Variants in DSCAM observed in about 807,000 individuals in gnomAD.
DSCAM encodes the protein DS cell adhesion molecule.
A neutral mutation model predicts 217.7 loss-of-function variants in DSCAM; 47 were observed. That is an observed-to-expected ratio of 0.22 (90% CI 0.17 to 0.28). DSCAM has a LOEUF of 0.28. DSCAM is among the 10% of genes least tolerant of loss of function. The probability of loss-of-function intolerance (pLI) is 1.00; values close to 1 mark genes in which losing one functional copy is unlikely to be tolerated. For synonymous variants in DSCAM, 1,056 were observed against 1,015.3 expected (o/e 1.04, Z -0.76); for missense variants, 2,080 against 2,618.3 (o/e 0.79, Z 4.49).
chr21:40,432,136 G>A (rs1392093022), intron 3 of DSCAM, among the ~76,000 whole-genome samples: 1 of 152,144 alleles, frequency 6.6e-6, no homozygotes, highest in African/African-American at 2.4e-5. Flanking sequence ...CCAGGAGGTT[G>A]CAGTGAGCCG....
chr21:40,019,670 AGGGTCACCATATT>A (rs780086587), intron 32 of DSCAM, among the ~76,000 whole-genome samples: 9 of 152,152 alleles, frequency 5.9e-5, no homozygotes, highest in Non-Finnish European at 8.8e-5. Flanking sequence ...TTTGAACTCC[AGGGTCACCATATT>A]GGGTCACCAT....
At chr21:40,348,399 A>G (rs1015022238) in intron 5 of DSCAM, among the ~76,000 whole-genome samples, 34 of 23,148 alleles carry the variant, frequency 1.5e-3, no homozygotes, top group South Asian at 3.0e-3. Flanking sequence ...TATTGCAATC[A>G]TACCCTAGAG....
intron 3 of DSCAM, among the ~76,000 whole-genome samples, chr21:40,469,364 C>G (rs1218447825): frequency 6.6e-6 from 1 of 152,018 alleles, no homozygotes; most frequent in African/African-American, 2.4e-5. Context: ...AATAGGAAAT[C>G]CAGCATAGGG....
chr21:40,540,001 G>A (rs1375031282), intron 3 of DSCAM, among the ~76,000 whole-genome samples: 3 of 152,010 alleles, frequency 2.0e-5, no homozygotes, highest in Admixed American at 6.5e-5. Flanking sequence ...TGTTAGTGTC[G>A]ATAGCCTTTA....
chr21:40,522,952 T>G (rs757467654), intron 3 of DSCAM, among the ~76,000 whole-genome samples: 7 of 152,114 alleles, frequency 4.6e-5, no homozygotes, highest in Non-Finnish European at 1.0e-4. Flanking sequence ...AATAAATTGT[T>G]GATTTCATGT....
chr21:40,194,338 T>C (rs185958222), intron 11 of DSCAM, among the ~76,000 whole-genome samples: 2 of 152,348 alleles, frequency 1.3e-5, no homozygotes, highest in African/African-American at 4.8e-5. Flanking sequence ...TTCTTTGCAA[T>C]GCTAATGTTT....
chr21:40,090,558 ACT>A (rs1312324907), intron 21 of DSCAM, among the ~76,000 whole-genome samples: 1 of 151,028 alleles, frequency 6.6e-6, no homozygotes, highest in East Asian at 1.9e-4. Context: ...TCACCTGACC[ACT>A]CCCTCCTTTT....
intron 3 of DSCAM, among the ~76,000 whole-genome samples, chr21:40,467,858 T>A (rs2075857197): frequency 6.9e-6 from 1 of 144,454 alleles, no homozygotes; most frequent in Non-Finnish European, 1.5e-5. Context: ...AAGGGAAAAG[T>A]CAAGCTGGGA....
At chr21:40,048,278 T>G (rs117732927) in intron 30 of DSCAM, among the ~76,000 whole-genome samples, 4,457 of 152,314 alleles carry the variant, frequency 0.029, 94 homozygotes, top group South Asian at 0.055. Context: ...TCAATGTCTT[T>G]TCTTTTCCAT....
chr21:40,781,992 C>CAAAAATAAAAA (rs2091548940), intron 1 of DSCAM, among the ~76,000 whole-genome samples: 1 of 106,400 alleles, frequency 9.4e-6, no homozygotes, highest in Non-Finnish European at 1.7e-5. Flanking sequence ...ACTAAAAATA[C>CAAAAATAAAAA]AAAAAAAAAA....
intron 8 of DSCAM, 24 bp downstream of exon 8, chr21:40,338,076 TG>T: frequency 6.2e-7 from 1 of 1,609,552 alleles, no homozygotes; most frequent in South Asian, 1.1e-5. Flanking sequence ...ATGAGTTGTG[TG>T]GGAACCAGGA....
At chr21:40,475,762 C>T (rs908278935) in intron 3 of DSCAM, among the ~76,000 whole-genome samples, 4 of 151,958 alleles carry the variant, frequency 2.6e-5, no homozygotes, top group African/African-American at 7.3e-5. Context: ...ACCTGGGAGG[C>T]GGAGGTTGCA....
intron 3 of DSCAM, among the ~76,000 whole-genome samples, chr21:40,604,662 C>A (rs2089208628): frequency 6.6e-6 from 1 of 152,116 alleles, no homozygotes; most frequent in Non-Finnish European, 1.5e-5. Context: ...TTGTGTTTCC[C>A]TAGGAACTCA....
At chr21:40,779,782 G>A (rs2091523728) in intron 1 of DSCAM, among the ~76,000 whole-genome samples, 1 of 152,158 alleles carries the variant, frequency 6.6e-6, no homozygotes, top group East Asian at 1.9e-4. Flanking sequence ...AGCCTGAAGT[G>A]GAATTACCTG....
intron 3 of DSCAM, among the ~76,000 whole-genome samples, chr21:40,442,226 A>G (rs912051180): frequency 2.0e-5 from 3 of 152,166 alleles, no homozygotes; most frequent in Admixed American, 1.3e-4. Context: ...TTAAGTTTAT[A>G]TATGTAAAAT....
chr21:40,042,777 T>C (rs1169713189), intron 31 of DSCAM, 104 bp from the exon 32 acceptor site: 3 of 1,126,752 alleles, frequency 2.7e-6, no homozygotes, highest in Non-Finnish European at 3.7e-6. Context: ...CAGATCATGG[T>C]GGGACCTGGT....
chr21:40,726,985 C>T (rs1216599211), intron 1 of DSCAM, among the ~76,000 whole-genome samples: 4 of 152,186 alleles, frequency 2.6e-5, no homozygotes. Context: ...AAGACCCTCA[C>T]CAAATGTGGC....
chr21:40,411,421 C>A (rs1335405332), intron 3 of DSCAM, among the ~76,000 whole-genome samples: 1 of 152,050 alleles, frequency 6.6e-6, no homozygotes, highest in Non-Finnish European at 1.5e-5. Flanking sequence ...GACTGAAACC[C>A]AACATTGTCA....
chr21:40,760,332 AT>A (rs2091320650), intron 1 of DSCAM, among the ~76,000 whole-genome samples: 1 of 152,120 alleles, frequency 6.6e-6, no homozygotes, highest in Non-Finnish European at 1.5e-5. Flanking sequence ...ACATTTATTG[AT>A]TCAATTGGCC....
Sources: allele counts gnomAD v4.1 joint callset (sites outside exome capture counted in the v4.1 genomes callset), GRCh38; gene constraint gnomAD v4.1.1; transcripts MANE v1.5; gene names NCBI Gene and HGNC (gene_info 2026-07-23, HGNC 2026-07-21).